Variants in ZNG1E observed in about 807,000 individuals in gnomAD.
ZNG1E encodes the protein zinc-regulated GTPase metalloprotein activator 1E.
At chr9:65,675,631 C>G in the ZNG1E span, among the ~76,000 whole-genome samples, 4 of 149,306 alleles carry the variant, frequency 2.7e-5, no homozygotes, top group African/African-American at 1.0e-4. Context: ...AGCCTCAGCT[C>G]TACCTACAGC....
the ZNG1E span, among the ~76,000 whole-genome samples, chr9:65,663,671 A>G: frequency 2.3e-4 from 34 of 150,872 alleles, no homozygotes; most frequent in African/African-American, 6.7e-4. Context: ...GTAAATATGT[A>G]GGATAAATCC....
chr9:65,721,348 TCA>T, the ZNG1E span, among the ~76,000 whole-genome samples: 1 of 142,698 alleles, frequency 7.0e-6, no homozygotes, highest in East Asian at 1.9e-4. Context: ...TAAATCAGAA[TCA>T]CATGTGGAGC....
chr9:65,720,804 A>G, the ZNG1E span, among the ~76,000 whole-genome samples: 1 of 145,322 alleles, frequency 6.9e-6, no homozygotes, highest in African/African-American at 2.6e-5. Flanking sequence ...GGCCAAGATA[A>G]CAGCTACTTG....
the ZNG1E span, among the ~76,000 whole-genome samples, chr9:65,672,483 C>T: frequency 5.6e-4 from 84 of 150,684 alleles, no homozygotes; most frequent in Admixed American, 1.4e-3. Context: ...CAGTGGCTCA[C>T]GCCTGTAATC....
At chr9:65,657,688 A>G in the ZNG1E span, among the ~76,000 whole-genome samples, 15 of 152,350 alleles carry the variant, frequency 9.8e-5, no homozygotes, top group Non-Finnish European at 1.0e-4. Context: ...ATAATTTACC[A>G]TACATTTAAA....
chr9:65,659,113 C>T, the ZNG1E span, among the ~76,000 whole-genome samples: 1 of 152,222 alleles, frequency 6.6e-6, no homozygotes, highest in Admixed American at 6.5e-5. Flanking sequence ...AGGAAGTACT[C>T]ATACCCAAGA....
At chr9:65,673,869 T>C in the ZNG1E span, among the ~76,000 whole-genome samples, 1 of 152,420 alleles carries the variant, frequency 6.6e-6, no homozygotes, top group East Asian at 1.9e-4. Context: ...CCCACAAGAA[T>C]GTACTTTTAA....
At chr9:65,693,531 A>G in the ZNG1E span, 1 of 1,217,006 alleles carries the variant, frequency 8.2e-7, no homozygotes, top group South Asian at 1.3e-5. Context: ...TTTGTATCCA[A>G]CCTCATATCT....
chr9:65,711,449 C>T, the ZNG1E span, among the ~76,000 whole-genome samples: 187 of 128,718 alleles, frequency 1.5e-3, no homozygotes, highest in Admixed American at 0.012. Context: ...AAAGGGAATG[C>T]TTCCAGTTTT....
At chr9:65,714,690 TC>T in the ZNG1E span, among the ~76,000 whole-genome samples, 1 of 146,992 alleles carries the variant, frequency 6.8e-6, no homozygotes, top group African/African-American at 2.7e-5. Flanking sequence ...CCCAGTTACC[TC>T]CCAGGGGGTG....
the ZNG1E span, among the ~76,000 whole-genome samples, chr9:65,686,561 G>A: frequency 5.1e-4 from 78 of 152,038 alleles, no homozygotes; most frequent in Middle Eastern, 3.4e-3. Context: ...GCTTGAACCC[G>A]GGAGGCGGAG....
At chr9:65,671,348 T>A in the ZNG1E span, among the ~76,000 whole-genome samples, 1 of 123,868 alleles carries the variant, frequency 8.1e-6, no homozygotes. Flanking sequence ...ATTACTTTTT[T>A]ATTTTTTTGT....
the ZNG1E span, among the ~76,000 whole-genome samples, chr9:65,659,738 G>A: frequency 6.6e-6 from 1 of 152,196 alleles, no homozygotes; most frequent in Non-Finnish European, 1.5e-5. Context: ...CATTCTGACA[G>A]CTGAAGTGAA....
At chr9:65,729,114 A>C in the ZNG1E span, among the ~76,000 whole-genome samples, 3 of 151,324 alleles carry the variant, frequency 2.0e-5, no homozygotes, top group African/African-American at 7.3e-5. Context: ...GCATCACATT[A>C]CCTGATTTCA....
At chr9:65,685,094 C>G in the ZNG1E span, among the ~76,000 whole-genome samples, 19 of 149,012 alleles carry the variant, frequency 1.3e-4, no homozygotes, top group South Asian at 4.2e-4. Context: ...ATACTGTAGT[C>G]TATAAAATGT....
chr9:65,656,649 T>C, the ZNG1E span, among the ~76,000 whole-genome samples: 17 of 152,370 alleles, frequency 1.1e-4, no homozygotes, highest in South Asian at 2.1e-4. Context: ...AAAAGGTAAA[T>C]AGAGAAACTT....
the ZNG1E span, among the ~76,000 whole-genome samples, chr9:65,668,509 A>C: frequency 6.6e-6 from 1 of 150,774 alleles, no homozygotes; most frequent in Non-Finnish European, 1.5e-5. Flanking sequence ...ATACATACAC[A>C]CACATATATA....
At chr9:65,703,537 T>G in the ZNG1E span, 1 of 961,146 alleles carries the variant, frequency 1.0e-6, no homozygotes, top group South Asian at 5.0e-5. Flanking sequence ...CCATTGAATG[T>G]TATCTTAATT....
chr9:65,706,929 T>C, the ZNG1E span: 1 of 139,850 alleles, frequency 7.2e-6, no homozygotes, highest in African/African-American at 2.8e-5. Context: ...AGCTATTTCC[T>C]AAGATGAAGA....
Sources: gnomAD v4.1 joint callset for allele counts (sites outside exome capture counted in the v4.1 genomes callset) on GRCh38, gnomAD v4.1.1 for gene constraint, MANE v1.5 for transcripts, NCBI Gene and HGNC (gene_info 2026-07-23, HGNC 2026-07-21) for gene names.